RYR1: variants seen among roughly 807,000 people sequenced by gnomAD.
The protein encoded by RYR1 is central core disease of muscle.
Under a neutral mutation model 583.5 loss-of-function variants are expected in RYR1, and 342 were observed. That is an observed-to-expected ratio of 0.59 (90% CI 0.54 to 0.64). RYR1 has a LOEUF of 0.64. Among genes scored for constraint, RYR1 ranks in the 30% least tolerant of loss-of-function variants. The pLI, the probability that RYR1 is intolerant of heterozygous loss-of-function variation, is 0.00. For synonymous variants in RYR1, 2,791 were observed against 2,822.5 expected, an observed-to-expected ratio of 0.99 and a Z score of 0.35; for missense variants, 6,032 against 6,917.2, an observed-to-expected ratio of 0.87 and a Z score of 4.54.
chr19:38,441,371 T>G, intron 2 of RYR1, among the ~76,000 whole-genome samples: 3 of 102,550 alleles, frequency 2.9e-5, no homozygotes, highest in African/African-American at 3.8e-5. Flanking sequence ...TGAATTATTA[T>G]GGGGTGTTTT....
chr19:38,485,801 A>G lies in RYR1; in HGVS notation c.5146A>G (p.Ser1716Gly). Residue 1716 changes from serine (S) to glycine (G), a missense_variant, in exon 34 of 106, where the codon AGC (serine) becomes GGC (glycine). This residue lies in a region of RYR1 where 2,627 missense variants were observed against 2,961.3 expected (regional missense o/e 0.89). Transcript: ENST00000359596. Reference protein sequence around the residue: ...LRAGYYDLLISIHLESACRSR... With the variant: ...LRAGYYDLLIGIHLESACRSR... ...CGCAGGCTACTATGACCTCCTCATC[A>G]GCATCCACCTCGAAAGTGCCTGCCG... 6.2e-7 allele frequency: 1 copy of G among 1,613,360 alleles called. No individual in the cohort carries two copies. The highest frequency in any genetic ancestry group is 8.5e-7 in the Non-Finnish European group (1 of 1,179,964).
intron 90 of RYR1, among the ~76,000 whole-genome samples, chr19:38,563,632 C>T (rs1448533402): frequency 6.6e-6 from 1 of 152,160 alleles, no homozygotes; most frequent in East Asian, 1.9e-4. Context: ...CTCATTTAAC[C>T]CTCACACCAA....
chr19:38,527,150 A>G (rs1008297942), intron 72 of RYR1, 98 bp downstream of exon 72: 1 of 1,351,526 alleles, frequency 7.4e-7, no homozygotes, highest in Non-Finnish European at 1.0e-6. Context: ...GCATTGAAGA[A>G]AGACCTCAAA....
At chr19:38,536,143 C>A in intron 82 of RYR1, 73 bp downstream of exon 82, 2 of 1,345,830 alleles carry the variant, frequency 1.5e-6, no homozygotes, top group East Asian at 2.5e-5. Flanking sequence ...CACCCCCACC[C>A]GCCATTGCCC....
At chr19:38,441,780 CAG>C (rs953304292) in intron 2 of RYR1, among the ~76,000 whole-genome samples, 3 of 151,766 alleles carry the variant, frequency 2.0e-5, no homozygotes, top group Non-Finnish European at 2.9e-5. Flanking sequence ...GTCTGAGGAG[CAG>C]AGTCTTGAGT....
intron 89 of RYR1, among the ~76,000 whole-genome samples, chr19:38,558,508 C>G (rs1341433039): frequency 1.3e-5 from 2 of 151,984 alleles, no homozygotes; most frequent in African/African-American, 2.4e-5. Flanking sequence ...ATAAAAAGGC[C>G]TGGCTCATGC....
rs1377802372 is a variant in RYR1 at position 38,512,350 on chromosome 19, C to T, written c.9339C>T (p.Gly3113=). 1 of 1,614,104 alleles carries T rather than the reference C, an allele frequency of 6.2e-7. No homozygotes were observed. The highest frequency in any genetic ancestry group is 8.5e-7 in the Non-Finnish European group (1 of 1,180,046). Residue 3113 remains glycine, a synonymous_variant, in exon 63 of 106, where the codon GGC becomes GGT. Transcript: ENST00000359596. This position sits in a 1 kb window ranked among gnomAD's most constrained non-coding sequence, Gnocchi z 5.1. ...IEKMVENLRL[G]KVSQARTQVK... ...AGATGGTGGAGAACCTGCGGCTGGG[C>T]AAGGTGTCGCAGGCGCGCACCCAGG...
At chr19:38,455,187 G>A (rs749620612) in intron 13 of RYR1, 48 bp from the exon 14 acceptor site, 1 of 1,606,150 alleles carries the variant, frequency 6.2e-7, no homozygotes, top group East Asian at 2.2e-5. Flanking sequence ...ACAAGGAAGG[G>A]AGGGCCTGGG....
intron 94 of RYR1, among the ~76,000 whole-genome samples, chr19:38,571,492 C>A (rs1973711798): frequency 6.6e-6 from 1 of 152,088 alleles, no homozygotes; most frequent in Non-Finnish European, 1.5e-5. Flanking sequence ...AAAAAATTAG[C>A]CAGGCCTGGT....
chr19:38,496,360 A>C lies in RYR1; in HGVS notation c.6663+31A>C. On this transcript the variant is annotated intron_variant, in intron 40 of 105. Transcript: ENST00000359596. This position sits in a 1 kb window ranked among gnomAD's most constrained non-coding sequence, Gnocchi z 4.8. ...GGCCCAGGCAGGTGCTGGGGAGCTC[A>C]GGGGAGGCAGCCACAGAGGGCAGGC... is the stretch of plus-strand genomic sequence containing the variant. The C allele has an allele frequency of 6.2e-7, 1 of 1,613,694 alleles. No individual in the cohort carries two copies. Among genetic ancestry groups the C allele is most frequent in the Non-Finnish European group, 8.5e-7 (1 of 1,179,994 alleles).
In RYR1 at chr19:38,573,209, G is replaced by C. The variant is rs1412023955; in HGVS notation, c.14031G>C (p.Glu4677Asp). The change falls in exon 96 of 106, where the codon GAG becomes GAC. Residue 4677 changes from glutamate to aspartate, a missense_variant. Coordinates refer to ENST00000359596, the MANE Select transcript of RYR1 (RefSeq NM_000540.3). ...TGGTAATCTTTAAGCGGGAGAAGGA[G>C]CTGGCCCGGAAGCTGGAGTTTGATG... ...VPLVIFKREK[E>D]LARKLEFDGL... 1 of 1,614,036 alleles carries C rather than the reference G, an allele frequency of 6.2e-7. No individual in the cohort carries two copies. The highest frequency in any genetic ancestry group is 8.5e-7 in the Non-Finnish European group (1 of 1,179,948).
chr19:38,460,532 G>T lies in RYR1; in HGVS notation c.2518G>T (p.Gly840Cys), dbSNP rs1248439398. 6.2e-7 allele frequency: 1 copy of T among 1,614,018 alleles called. No homozygotes were observed. The highest frequency in any genetic ancestry group is 1.1e-5 in the South Asian group (1 of 91,080). ...GGGGCCCCGGGGGCCTCACCTGGTG[G>T]GCCCCAGTCGCTGCCTCTCACACAC... ...REGPRGPHLV[G>C]PSRCLSHTDF... The change falls in exon 20 of 106, where the codon GGC becomes TGC. Residue 840 changes from glycine to cysteine, a missense_variant. Physicochemically the swap from Gly to Cys is radical, Grantham distance 159 (BLOSUM62 -3). Coordinates refer to ENST00000359596, the MANE Select transcript of RYR1 (RefSeq NM_000540.3).
chr19:38,500,068 T>C lies in RYR1; in HGVS notation c.7323+52T>C, dbSNP rs752432244. On this transcript the variant is annotated intron_variant, in intron 45 of 105. Coordinates refer to ENST00000359596, the MANE Select transcript of RYR1 (RefSeq NM_000540.3). This position sits in a 1 kb window ranked among gnomAD's most constrained non-coding sequence, Gnocchi z 5.9. ...GGAAGGGAGGGCAGGCACAGCCGCT[T>C]TGAACGCCTCATGCAGGCACTCGGT... The C allele has an allele frequency of 3.9e-6, 6 of 1,519,184 alleles. No homozygotes were observed. In the Admixed American group the frequency reaches 5.0e-5, roughly 13 times the overall value. 94.1% of individuals were successfully genotyped at this position (1,519,184 alleles called of 1,614,324 possible). A position where few individuals can be genotyped will look rare whatever the true frequency, so the allele number is the denominator to read the frequency against.
At chr19:38,578,437 A>T (rs575582671) in intron 99 of RYR1, among the ~76,000 whole-genome samples, 8 of 152,164 alleles carry the variant, frequency 5.3e-5, no homozygotes, top group South Asian at 4.1e-4. Context: ...TCACGCCTGT[A>T]CTCCCAACAC....
chr19:38,534,788 G>A lies in RYR1; in HGVS notation c.11328G>A (p.Glu3776=). The change falls in exon 79 of 106, where the codon GAG becomes GAA. Residue 3776 remains glutamate, a synonymous_variant. Coordinates refer to ENST00000359596, the MANE Select transcript of RYR1 (RefSeq NM_000540.3). Reference sequence around the variant, plus strand: ...GGCTGCACACCCGGGGGGCGGCCGAGATGGTGCTGCAGATGATCAGTGCCT... The same window carrying A: ...GGCTGCACACCCGGGGGGCGGCCGAAATGGTGCTGCAGATGATCAGTGCCT... ...QARLHTRGAA[E]MVLQMISACK... 6.2e-7 allele frequency: 1 copy of A among 1,613,666 alleles called. No homozygotes were observed.
In RYR1 at chr19:38,478,318, T is replaced by A. The variant is rs996295092; in HGVS notation, c.4455-117T>A. Reference sequence around the variant, plus strand: ...TTTCAGCTCTCAGGTCTGCAGGCGGTGGGTGTTTGGGGATGGGACTCTGAG... The same window carrying A: ...TTTCAGCTCTCAGGTCTGCAGGCGGAGGGTGTTTGGGGATGGGACTCTGAG... On this transcript the variant is annotated intron_variant, in intron 30 of 105. Transcript: ENST00000359596. 1.1e-5 allele frequency: 12 copies of A among 1,105,458 alleles called. No homozygotes were observed. The African/African-American group carries it at 1.7e-4, about 16-fold the overall frequency. 68.5% of individuals were successfully genotyped at this position (1,105,458 alleles called of 1,614,324 possible). A position where few individuals can be genotyped will look rare whatever the true frequency, so the allele number is the denominator to read the frequency against.
chr19:38,481,735 A>T (rs942462069), intron 31 of RYR1, among the ~76,000 whole-genome samples: 1 of 151,958 alleles, frequency 6.6e-6, no homozygotes, highest in Non-Finnish European at 1.5e-5. Flanking sequence ...GTAGTGAGCT[A>T]TGATAGCGCC....
rs374982449 is a variant in RYR1 at position 38,502,591 on chromosome 19, C to G, written c.7699C>G (p.Pro2567Ala). 3 of 1,612,718 alleles carry G rather than the reference C, an allele frequency of 1.9e-6. No homozygotes were observed. Among genetic ancestry groups the G allele is most frequent in the Non-Finnish European group, 2.5e-6 (3 of 1,179,924 alleles). ...GCTGCCGCTCATCACCAAGTGTGCG[C>G]CGCTCTTTGCGGGCACAGAACACCG... ...AVLPLITKCA[P>A]LFAGTEHRAI... is the part of the protein sequence containing the mutation. The change falls in exon 48 of 106, where the codon CCG (proline) becomes GCG (alanine). Residue 2567 changes from proline (P) to alanine (A), a missense_variant. Physicochemically the swap from Pro to Ala is conservative, Grantham distance 27. Transcript: ENST00000359596.
chr19:38,444,286 T>C lies in RYR1; in HGVS notation c.537+25T>C. 1 of 1,561,256 alleles carries C rather than the reference T, an allele frequency of 6.4e-7. No homozygotes were observed. The highest frequency in any genetic ancestry group is 8.8e-7 in the Non-Finnish European group (1 of 1,133,096). On this transcript the variant is annotated intron_variant, in intron 6 of 105. Transcript: ENST00000359596. The surrounding 1 kb of genome is among the most constrained non-coding windows in gnomAD (Gnocchi z 5.1). ...GGTGAGCCATTGCGGTTCCTCCTGC[T>C]CCCAGGTCTGGGGGCGCATGGGATG...
Sources: gnomAD v4.1 joint callset for allele counts (sites outside exome capture counted in the v4.1 genomes callset) on GRCh38, gnomAD v4.1.1 for gene constraint, gnomAD v4.1.1 regional missense constraint, Gnocchi (gnomAD v3.1) non-coding constraint, MANE v1.5 for transcripts, NCBI Gene and HGNC (gene_info 2026-07-23, HGNC 2026-07-21) for gene names.